The following AHCYL2 variants were observed in gnomAD, a reference collection of about 807,000 sequenced individuals.
AHCYL2 encodes adenosylhomocysteinase like 2.
A neutral mutation model predicts 81.4 loss-of-function variants in AHCYL2; 28 were observed. The ratio of observed to expected loss-of-function variants is 0.34; its 90% CI spans 0.25 to 0.47. AHCYL2 has a LOEUF of 0.47. Among genes scored for constraint, AHCYL2 ranks in the 20% least tolerant of loss-of-function variants. AHCYL2 has a pLI of 1.00. For missense variants in AHCYL2, 551 were observed against 785.1 expected (o/e 0.70, Z 3.56); for synonymous variants, 272 against 290.2 (o/e 0.94, Z 0.64).
chr7:129,376,015 T>C lies in AHCYL2; in HGVS notation c.364-3623T>C, dbSNP rs1052563338. 23 of 1,482,762 alleles carry C rather than the reference T, an allele frequency of 1.6e-5. No individual in the cohort carries two copies. In the East Asian group the frequency reaches 3.0e-4, roughly 19 times the overall value. 91.9% of individuals were successfully genotyped at this position (1,482,762 alleles called of 1,614,324 possible). On this transcript the variant is annotated intron_variant, in intron 1 of 16. Coordinates refer to ENST00000325006, the MANE Select transcript of AHCYL2 (RefSeq NM_015328.4). ...TGCTTATACTCTTTTTCCCCTCCTT[T>C]CCTGCTTTCATCCCTCCCTCTGGCA...
At chr7:129,339,916 C>CTTTTTTTTT (rs774989478) in intron 1 of AHCYL2, among the ~76,000 whole-genome samples, 2 of 104,544 alleles carry the variant, frequency 1.9e-5, no homozygotes, top group African/African-American at 4.0e-5. Flanking sequence ...TTCCTCTGCT[C>CTTTTTTTTT]TTTTTTTTTT....
intron 1 of AHCYL2, among the ~76,000 whole-genome samples, chr7:129,278,025 G>A (rs2566886): frequency 0.65 from 98,884 of 152,028 alleles, 32,841 homozygotes; most frequent in Middle Eastern, 0.73. Flanking sequence ...AGGTTTTGCC[G>A]TTTTACATTC....
At chr7:129,294,794 T>C (rs1796998106) in intron 1 of AHCYL2, among the ~76,000 whole-genome samples, 1 of 152,180 alleles carries the variant, frequency 6.6e-6, no homozygotes. Context: ...CTTCATAAAT[T>C]AGAATTTTAG....
At chr7:129,389,575 G>T in intron 3 of AHCYL2, 59 bp from the exon 4 acceptor site, 3 of 1,393,876 alleles carry the variant, frequency 2.2e-6, no homozygotes, top group South Asian at 1.3e-5. Context: ...TTTTCTGTTT[G>T]TTCTTTTATC....
At chr7:129,333,776 A>T (rs184970062) in intron 1 of AHCYL2, among the ~76,000 whole-genome samples, 1 of 152,330 alleles carries the variant, frequency 6.6e-6, no homozygotes, top group East Asian at 1.9e-4. Flanking sequence ...GCAAAAATTA[A>T]ATAAGAAGAA....
intron 1 of AHCYL2, among the ~76,000 whole-genome samples, chr7:129,309,945 C>G (rs1253323021): frequency 6.6e-6 from 1 of 152,160 alleles, no homozygotes; most frequent in Non-Finnish European, 1.5e-5. Context: ...AAAGTTTAGG[C>G]TTTCTCTTGT....
rs753969257 is a variant in AHCYL2 at position 129,427,031 on chromosome 7, C to G, written c.1830-8C>G. 1.9e-6 allele frequency: 3 copies of G among 1,610,616 alleles called. No homozygotes were observed. The highest frequency in any genetic ancestry group is 2.5e-6 in the Non-Finnish European group (3 of 1,177,146). On this transcript the variant is annotated splice_polypyrimidine_tract_variant and splice_region_variant and intron_variant, in intron 16 of 16. Coordinates refer to ENST00000325006, the MANE Select transcript of AHCYL2 (RefSeq NM_015328.4). This position sits in a 1 kb window ranked among gnomAD's most constrained non-coding sequence, Gnocchi z 5.5. ...ACATCACAGTCTCATCTTTCTTTTT[C>G]CCTCCAGGTATTAAGTTCCTGTAAC...
chr7:129,266,970 A>G (rs916682991), intron 1 of AHCYL2, among the ~76,000 whole-genome samples: 6 of 151,708 alleles, frequency 4.0e-5, no homozygotes, highest in Non-Finnish European at 8.8e-5. Flanking sequence ...TTTTTTGCCC[A>G]CTAAACGCAA....
intron 1 of AHCYL2, among the ~76,000 whole-genome samples, chr7:129,331,782 C>T (rs1018218578): frequency 6.6e-6 from 1 of 151,852 alleles, no homozygotes; most frequent in South Asian, 2.1e-4. Context: ...GTGGAGGTTG[C>T]AGTGAGCTGA....
In AHCYL2 at chr7:129,426,634, G is replaced by A. The variant is rs1325299245; in HGVS notation, c.1829+71G>A. On this transcript the variant is annotated intron_variant, in intron 16 of 16. Transcript: ENST00000325006. The surrounding 1 kb of genome is among the most constrained non-coding windows in gnomAD (Gnocchi z 4.3). ...GCTTCCTGCACTGGAATTGGTCTTT[G>A]CATCCCCAACCACATATGCTTACAT... 10 of 1,562,028 alleles carry A rather than the reference G, an allele frequency of 6.4e-6. No homozygotes were observed. In the East Asian group the frequency reaches 2.0e-4, roughly 32 times the overall value.
At chr7:129,421,104 T>C (rs1464590730) in intron 12 of AHCYL2, among the ~76,000 whole-genome samples, 1 of 152,036 alleles carries the variant, frequency 6.6e-6, no homozygotes. Flanking sequence ...ATATAAAAAT[T>C]AGCTGGGCAT....
At chr7:129,233,694 G>A (rs989173116) in intron 1 of AHCYL2, among the ~76,000 whole-genome samples, 4 of 152,012 alleles carry the variant, frequency 2.6e-5, no homozygotes, top group African/African-American at 4.8e-5. Context: ...CACCGTGTTC[G>A]CCAGAATGGC....
At chr7:129,335,756 C>G (rs879636371) in intron 1 of AHCYL2, among the ~76,000 whole-genome samples, 5 of 152,190 alleles carry the variant, frequency 3.3e-5, no homozygotes, top group African/African-American at 9.7e-5. Context: ...CATGGTGGCT[C>G]TCTTCTACCA....
At chr7:129,302,707 A>G (rs1462565294) in intron 1 of AHCYL2, among the ~76,000 whole-genome samples, 1 of 152,198 alleles carries the variant, frequency 6.6e-6, no homozygotes, top group Non-Finnish European at 1.5e-5. Context: ...CTTGGGATAC[A>G]TCTCACTTGA....
At position 129,406,528 on chromosome 7, in the gene AHCYL2, T is replaced by G. The variant is rs1237647142; in HGVS notation, c.1295+62T>G. The G allele has an allele frequency of 6.8e-7, 1 of 1,479,430 alleles. No individual in the cohort carries two copies. The highest frequency in any genetic ancestry group is 1.7e-5 in the Admixed American group (1 of 59,794). The allele number at this position is 1,479,430 out of a possible 1,614,324, so 91.6% of individuals were successfully genotyped here. On this transcript the variant is annotated intron_variant, in intron 10 of 16. Coordinates refer to ENST00000325006, the MANE Select transcript of AHCYL2 (RefSeq NM_015328.4). The surrounding 1 kb of genome is among the most constrained non-coding windows in gnomAD (Gnocchi z 4.3). ...GAGCTGTCTCCAAAGAATGGCCTGGTTGATGCCACACTTTATTTTAGAGGA... is the reference window on the plus strand; with the variant it reads ...GAGCTGTCTCCAAAGAATGGCCTGGGTGATGCCACACTTTATTTTAGAGGA...
At chr7:129,271,663 A>G (rs2566882) in intron 1 of AHCYL2, among the ~76,000 whole-genome samples, 141,310 of 152,220 alleles carry the variant, frequency 0.93, 66,500 homozygotes, top group South Asian at 1. Context: ...TGATAGTTAC[A>G]TGGCTGTTTC....
At chr7:129,375,632 C>T in intron 1 of AHCYL2, 6 of 1,352,712 alleles carry the variant, frequency 4.4e-6, no homozygotes, top group Non-Finnish European at 5.7e-6. Flanking sequence ...AAAACAGCCA[C>T]TAGAATTAGG....
chr7:129,319,765 G>A lies in AHCYL2; in HGVS notation c.364-59873G>A, dbSNP rs2718101. On this transcript the variant is annotated intron_variant, in intron 1 of 16. Coordinates refer to ENST00000325006, the MANE Select transcript of AHCYL2 (RefSeq NM_015328.4). ...TACAGCACGTATCAATAGTTCATTC[G>A]TTTATAACTGAATGGATATACTGCA... is the stretch of plus-strand genomic sequence containing the variant. Among the ~76,000 whole-genome samples the A allele has an allele frequency of 4.6e-5, 7 of 152,240 alleles. 1 individual carries two copies. Among genetic ancestry groups the A allele is most frequent in the Admixed American group, 4.6e-4 (7 of 15,276 alleles).
In AHCYL2 at chr7:129,390,689, C is replaced by T. The variant is rs116468731; in HGVS notation, c.720+955C>T. Among the ~76,000 whole-genome samples the T allele has an allele frequency of 3.5e-3, 537 of 152,278 alleles. 4 individuals are homozygous for T. Among genetic ancestry groups the T allele is most frequent in the African/African-American group, 0.012 (499 of 41,548 alleles). On this transcript the variant is annotated intron_variant, in intron 4 of 16. Coordinates refer to ENST00000325006, the MANE Select transcript of AHCYL2 (RefSeq NM_015328.4). ...AGATGCTTACAACTATTCTAGTCAT[C>T]ACAAACTGACATGAAAAGGAAGAGG... is the stretch of plus-strand genomic sequence containing the variant.
Sources: allele counts gnomAD v4.1 joint callset (sites outside exome capture counted in the v4.1 genomes callset), GRCh38; gene constraint gnomAD v4.1.1; non-coding constraint Gnocchi (gnomAD v3.1); transcripts MANE v1.5; gene names NCBI Gene and HGNC (gene_info 2026-07-23, HGNC 2026-07-21).